SH3KBP1: variants seen among roughly 807,000 people sequenced by gnomAD.
The protein encoded by SH3KBP1 is SH3 domain-containing kinase-binding protein 1.
Under a neutral mutation model 50.1 loss-of-function variants are expected in SH3KBP1, and 8 were observed. The ratio of observed to expected loss-of-function variants is 0.16; its 90% CI spans 0.09 to 0.29. The LOEUF is 0.29. Ranked by LOEUF, SH3KBP1 falls within the 10% of genes least tolerant of loss-of-function variation. The probability of loss-of-function intolerance (pLI) is 1.00; values close to 1 mark genes in which losing one functional copy is unlikely to be tolerated. For missense variants in SH3KBP1, 377 were observed against 535.2 expected, an observed-to-expected ratio of 0.70 and a Z score of 2.92; for synonymous variants, 227 against 218.6, an observed-to-expected ratio of 1.04 and a Z score of -0.34.
At chrX:19,612,078 AT>A (rs773373935) in intron 8 of SH3KBP1, among the ~76,000 whole-genome samples, 7 of 110,134 alleles carry the variant, frequency 6.4e-5, no homozygotes, top group South Asian at 3.9e-4. Flanking sequence ...GAAGCAAGGC[AT>A]TTTTTTCCCC....
intron 12 of SH3KBP1, among the ~76,000 whole-genome samples, chrX:19,578,396 C>T (rs1005898450): frequency 9.0e-6 from 1 of 111,670 alleles, no homozygotes; most frequent in Admixed American, 9.5e-5. Context: ...CGCAAGTAAG[C>T]GCTCCCTTCC....
intron 7 of SH3KBP1, among the ~76,000 whole-genome samples, chrX:19,642,015 T>C (rs2061867909): frequency 9.0e-6 from 1 of 110,566 alleles, no homozygotes; most frequent in South Asian, 3.9e-4. Flanking sequence ...TAATTTTTTC[T>C]ATTTTTTGTA....
intron 2 of SH3KBP1, among the ~76,000 whole-genome samples, chrX:19,832,597 G>A (rs900724114): frequency 4.5e-5 from 5 of 110,926 alleles, no homozygotes; most frequent in African/African-American, 6.6e-5. Context: ...TGAGAGACAC[G>A]GCCAGCCCAA....
At chrX:19,714,523 T>G (rs887116037) in intron 3 of SH3KBP1, among the ~76,000 whole-genome samples, 2 of 109,066 alleles carry the variant, frequency 1.8e-5, no homozygotes, top group African/African-American at 6.7e-5. Flanking sequence ...AAAAAGAAAA[T>G]AAAATGTGGT....
chrX:19,596,566 A>T (rs1303597047), intron 9 of SH3KBP1, among the ~76,000 whole-genome samples: 3 of 111,114 alleles, frequency 2.7e-5, no homozygotes, highest in South Asian at 3.8e-4. Flanking sequence ...TTCGTGAAAA[A>T]TTTTTCTGTA....
chrX:19,588,685 G>A lies in SH3KBP1; in HGVS notation c.1256C>T (p.Pro419Leu), dbSNP rs752483118. 5.8e-6 allele frequency: 7 copies of A among 1,209,224 alleles called. No homozygotes were observed. Among genetic ancestry groups the A allele is most frequent in the African/African-American group, 1.7e-5 (1 of 57,445 alleles). The change falls in exon 12 of 18, where the codon CCG becomes CTG. Residue 419 changes from proline to leucine, a missense_variant. By Grantham distance (98) the Pro-to-Leu change is moderately conservative. This residue lies in a region of SH3KBP1 where 257 missense variants were observed against 374.2 expected (regional missense o/e 0.69). Transcript: ENST00000397821. ...ACCCACCGGTCTCTCCGGCCTTCTC[G>A]GGGGCAGTGCGCCAGGTCTGCTGAG... ...NSLSRPGALP[P>L]RRPERPVGPL... is the part of the protein sequence containing the mutation.
intron 13 of SH3KBP1, among the ~76,000 whole-genome samples, chrX:19,566,650 A>ACTGCT: frequency 1.8e-5 from 2 of 111,581 alleles, no homozygotes; most frequent in East Asian, 5.7e-4. Flanking sequence ...ACAGCCAATT[A>ACTGCT]CTGCTCTGCT....
At chrX:19,703,096 C>T (rs1328460704) in intron 4 of SH3KBP1, among the ~76,000 whole-genome samples, 2 of 111,931 alleles carry the variant, frequency 1.8e-5, no homozygotes, top group East Asian at 2.8e-4. Flanking sequence ...CCCTAAACCA[C>T]GCTTTGGAGG....
At chrX:19,731,539 C>T (rs1246742198) in intron 3 of SH3KBP1, among the ~76,000 whole-genome samples, 1 of 111,557 alleles carries the variant, frequency 9.0e-6, no homozygotes, top group Admixed American at 9.5e-5. Flanking sequence ...AGGTTTAGTA[C>T]TTATTCTAGG....
intron 6 of SH3KBP1, among the ~76,000 whole-genome samples, chrX:19,682,767 G>A (rs1201744264): frequency 9.1e-6 from 1 of 109,658 alleles, no homozygotes; most frequent in Non-Finnish European, 1.9e-5. Context: ...TTCAGTGTTC[G>A]AAAAGTTTCC....
At chrX:19,768,334 C>T (rs1182099851) in intron 2 of SH3KBP1, among the ~76,000 whole-genome samples, 9 of 106,278 alleles carry the variant, frequency 8.5e-5, no homozygotes, top group African/African-American at 2.8e-4. Flanking sequence ...AAAAAAAGCA[C>T]ACAGCAATAT....
intron 1 of SH3KBP1, among the ~76,000 whole-genome samples, chrX:19,851,960 C>T (rs1200288620): frequency 8.9e-6 from 1 of 111,847 alleles, no homozygotes; most frequent in Non-Finnish European, 1.9e-5. Context: ...TCTCCTGTCC[C>T]TTGAGCTCTT....
At chrX:19,767,542 T>C (rs1400362728) in intron 2 of SH3KBP1, among the ~76,000 whole-genome samples, 1 of 111,488 alleles carries the variant, frequency 9.0e-6, no homozygotes, top group African/African-American at 3.3e-5. Context: ...CTCGTATTTA[T>C]AAAATTTGTC....
intron 1 of SH3KBP1, among the ~76,000 whole-genome samples, chrX:19,863,684 G>A (rs2068834334): frequency 9.0e-6 from 1 of 111,577 alleles, no homozygotes; most frequent in Admixed American, 9.4e-5. Flanking sequence ...TCTCTCCAGA[G>A]AGAGTTGTTT....
chrX:19,837,797 A>G, intron 1 of SH3KBP1, among the ~76,000 whole-genome samples: 1 of 111,479 alleles, frequency 9.0e-6, no homozygotes, highest in Admixed American at 9.7e-5. Flanking sequence ...TGGCAAATGA[A>G]TGAATACAAG....
intron 9 of SH3KBP1, among the ~76,000 whole-genome samples, chrX:19,601,030 T>A (rs2067072427): frequency 9.0e-6 from 1 of 111,161 alleles, no homozygotes; most frequent in African/African-American, 3.3e-5. Context: ...AACATGAATA[T>A]AATGGTAACA....
At chrX:19,743,439 AAAAG>A (rs757893277) in intron 3 of SH3KBP1, among the ~76,000 whole-genome samples, 130 of 110,416 alleles carry the variant, frequency 1.2e-3, no homozygotes, top group Non-Finnish European at 2.2e-3. Flanking sequence ...CAAAAAATAA[AAAAG>A]AAAGAAAGAA....
intron 1 of SH3KBP1, among the ~76,000 whole-genome samples, chrX:19,854,483 G>A (rs970531622): frequency 8.9e-6 from 1 of 111,754 alleles, no homozygotes; most frequent in Non-Finnish European, 1.9e-5. Context: ...ACCAGTCTAC[G>A]AGAGCGATGT....
chrX:19,796,005 C>T (rs866324068), intron 2 of SH3KBP1, among the ~76,000 whole-genome samples: 1 of 111,736 alleles, frequency 8.9e-6, no homozygotes, highest in Non-Finnish European at 1.9e-5. Context: ...TGCCACCAAT[C>T]GGTGGGCCAC....
Sources: allele counts gnomAD v4.1 joint callset (sites outside exome capture counted in the v4.1 genomes callset), GRCh38; gene constraint gnomAD v4.1.1; regional missense constraint gnomAD v4.1.1; transcripts MANE v1.5; gene names NCBI Gene and HGNC (gene_info 2026-07-23, HGNC 2026-07-21).